The following CMSS1 variants were observed in gnomAD, a reference collection of about 807,000 sequenced individuals.
The protein encoded by CMSS1 is protein CMSS1.
A neutral mutation model predicts 43.5 loss-of-function variants in CMSS1; 33 were observed. That is an observed-to-expected ratio of 0.76 (90% confidence interval 0.57 to 1.01). The LOEUF is 1.01. Among genes scored for constraint, CMSS1 ranks in the 50% least tolerant of loss-of-function variants. The pLI is 0.00. For synonymous variants in CMSS1, 115 were observed against 117.2 expected (o/e 0.98, Z 0.12); for missense variants, 313 against 326.4 (o/e 0.96, Z 0.32).
intron 1 of CMSS1, among the ~76,000 whole-genome samples, chr3:99,962,661 G>A (rs541753332): frequency 6.6e-6 from 1 of 152,180 alleles, no homozygotes; most frequent in Non-Finnish European, 1.5e-5. Context: ...ATATAGCACT[G>A]TAGGCCTGGT....
Position 100,180,963 on chromosome 3 carries a change from A to C in CMSS1, c.*2575A>C, listed in dbSNP as rs1042681260. 6.6e-6 allele frequency: 1 copy of C among 152,368 alleles called. No individual in the cohort carries two copies. Among genetic ancestry groups the C allele is most frequent in the South Asian group, 2.1e-4 (1 of 4,836 alleles). The allele number at this position is 152,368 out of a possible 1,614,324, so 9.4% of individuals were successfully genotyped here. A position where few individuals can be genotyped will look rare whatever the true frequency, so the allele number is the denominator to read the frequency against. Reference sequence around the variant, plus strand: ...CTGGGGAGGCCTCAGGAAATTTACAATCATGGCAGAAGATGAAAGGGATGC... The same window carrying C: ...CTGGGGAGGCCTCAGGAAATTTACACTCATGGCAGAAGATGAAAGGGATGC... On this transcript the variant is annotated 3_prime_UTR_variant, in exon 10 of 10. Transcript: ENST00000421999.
At chr3:99,999,297 C>G (rs1462998432) in intron 1 of CMSS1, among the ~76,000 whole-genome samples, 2 of 152,116 alleles carry the variant, frequency 1.3e-5, no homozygotes, top group South Asian at 4.1e-4. Context: ...ATATCACATT[C>G]TTTTGTGATC....
intron 1 of CMSS1, among the ~76,000 whole-genome samples, chr3:99,901,009 T>C (rs1332722679): frequency 6.6e-6 from 1 of 152,230 alleles, no homozygotes; most frequent in African/African-American, 2.4e-5. Context: ...TTGCTTCTTA[T>C]TGATAATTAT....
At chr3:99,871,308 A>G (rs1944774525) in intron 1 of CMSS1, among the ~76,000 whole-genome samples, 1 of 151,936 alleles carries the variant, frequency 6.6e-6, no homozygotes, top group African/African-American at 2.4e-5. Context: ...TTGCAGAAAC[A>G]CTTTTTTTTT....
At chr3:100,020,061 C>T (rs1212464019) in intron 1 of CMSS1, among the ~76,000 whole-genome samples, 1 of 152,098 alleles carries the variant, frequency 6.6e-6, no homozygotes, top group Non-Finnish European at 1.5e-5. Flanking sequence ...TTTCTTGTTC[C>T]CTGGAAAGCC....
intron 1 of CMSS1, among the ~76,000 whole-genome samples, chr3:100,093,419 A>G (rs1024977727): frequency 9.9e-5 from 15 of 152,278 alleles, no homozygotes; most frequent in Admixed American, 8.5e-4. Flanking sequence ...ATATACTTAC[A>G]TTATTTTTCT....
intron 8 of CMSS1, among the ~76,000 whole-genome samples, chr3:100,175,991 C>T (rs1373050733): frequency 3.3e-5 from 5 of 152,186 alleles, no homozygotes; most frequent in Non-Finnish European, 5.9e-5. Context: ...CCCCAAACTG[C>T]GGGATTTAAC....
At chr3:100,039,738 A>T (rs1416385549) in intron 1 of CMSS1, 1 of 150,714 alleles carries the variant, frequency 6.6e-6, no homozygotes, top group Non-Finnish European at 1.5e-5. Context: ...GGTTTTCTTC[A>T]CAGTTAACGA....
At chr3:99,885,014 C>T (rs1475027266) in intron 1 of CMSS1, among the ~76,000 whole-genome samples, 1 of 152,198 alleles carries the variant, frequency 6.6e-6, no homozygotes, top group East Asian at 1.9e-4. Context: ...CGATACTGTT[C>T]TGACAGCCTG....
At chr3:100,119,212 A>G (rs2066600228) in intron 1 of CMSS1, among the ~76,000 whole-genome samples, 1 of 152,218 alleles carries the variant, frequency 6.6e-6, no homozygotes, top group Non-Finnish European at 1.5e-5. Context: ...CTAATTCTAG[A>G]AAATATGAGG....
chr3:100,071,834 TTGGGCACCCAA>T (rs2065768659), intron 1 of CMSS1, among the ~76,000 whole-genome samples: 1 of 152,200 alleles, frequency 6.6e-6, no homozygotes. Flanking sequence ...CTTACACTTA[TTGGGCACCCAA>T]CTTCATTATT....
chr3:100,083,055 C>T (rs1285117825), intron 1 of CMSS1, among the ~76,000 whole-genome samples: 1 of 152,148 alleles, frequency 6.6e-6, no homozygotes, highest in Non-Finnish European at 1.5e-5. Flanking sequence ...TATGAAATTA[C>T]AATTATTTTC....
intron 1 of CMSS1, chr3:99,874,320 C>A (rs1157147852): frequency 6.6e-6 from 1 of 152,202 alleles, no homozygotes; most frequent in African/African-American, 2.4e-5. Flanking sequence ...CTGTTTGTCT[C>A]TTCCTCTGTT....
At chr3:99,922,909 G>T (rs1235419048) in intron 1 of CMSS1, among the ~76,000 whole-genome samples, 1 of 152,062 alleles carries the variant, frequency 6.6e-6, no homozygotes, top group East Asian at 1.9e-4. Flanking sequence ...TTTGGCTTCT[G>T]CCCTTACCAC....
rs969913047 is a variant in CMSS1 at position 99,938,082 on chromosome 3, C to T, written c.64+120039C>T. On this transcript the variant is annotated intron_variant, in intron 1 of 9. Transcript: ENST00000421999. ...GTGTGTGTGTGTGTGTGTGCGCGCG[C>T]GCGCGCGCGTGCATGCACACTCGTG... Among the ~76,000 whole-genome samples the T allele has an allele frequency of 8.6e-5, 13 of 151,434 alleles. No homozygotes were observed. The East Asian group carries it at 1.2e-3, about 14-fold the overall frequency.
At chr3:100,131,278 T>C (rs13326691) in intron 1 of CMSS1, among the ~76,000 whole-genome samples, 1,593 of 152,306 alleles carry the variant, frequency 0.01, 16 homozygotes, top group African/African-American at 0.036. Context: ...TCTAGGGAGC[T>C]TGTAATTTTA....
At chr3:99,916,647 G>A (rs1706964117) in intron 1 of CMSS1, among the ~76,000 whole-genome samples, 1 of 152,144 alleles carries the variant, frequency 6.6e-6, no homozygotes, top group Admixed American at 6.5e-5. Context: ...GTGAATCGGA[G>A]ACTTAACAAG....
At chr3:100,053,822 T>G (rs1016064394) in intron 1 of CMSS1, among the ~76,000 whole-genome samples, 2 of 152,204 alleles carry the variant, frequency 1.3e-5, no homozygotes, top group African/African-American at 4.8e-5. Context: ...CCACAACACA[T>G]GCTGAGTCTG....
intron 1 of CMSS1, among the ~76,000 whole-genome samples, chr3:99,937,467 A>G (rs1343239378): frequency 2.6e-5 from 4 of 152,214 alleles, no homozygotes; most frequent in African/African-American, 9.7e-5. Context: ...ACATGTCTTA[A>G]TAGAAAGAGT....
Sources: gnomAD v4.1 joint callset for allele counts (sites outside exome capture counted in the v4.1 genomes callset) on GRCh38, gnomAD v4.1.1 for gene constraint, MANE v1.5 for transcripts, NCBI Gene and HGNC (gene_info 2026-07-23, HGNC 2026-07-21) for gene names.